The following RUFY1 variants were observed in gnomAD, a reference collection of about 807,000 sequenced individuals.
RUFY1 encodes the protein RUN and FYVE domain containing 1.
In RUFY1, 54 loss-of-function variants were observed where a neutral mutation model predicts 94.6. That is an observed-to-expected ratio of 0.57 (90% CI 0.46 to 0.72). RUFY1 has a LOEUF of 0.72. Ranked by LOEUF, RUFY1 falls within the 30% of genes least tolerant of loss-of-function variation. RUFY1 has a pLI of 0.00. For missense variants in RUFY1, 883 were observed against 883.9 expected (o/e 1.00, Z 0.01); for synonymous variants, 396 against 347.3 (o/e 1.14, Z -1.56).
chr5:179,598,671 A>G (rs1266773759), intron 13 of RUFY1, 21 bp from the exon 14 acceptor site: 2 of 1,614,022 alleles, frequency 1.2e-6, no homozygotes, highest in Non-Finnish European at 1.7e-6. Context: ...AGACTAACTC[A>G]AGTTCATTTT....
At chr5:179,564,819 AC>A (rs1415818792) in intron 3 of RUFY1, among the ~76,000 whole-genome samples, 1 of 152,124 alleles carries the variant, frequency 6.6e-6, no homozygotes, top group Admixed American at 6.6e-5. Flanking sequence ...GATTAGAACC[AC>A]CCTAGTTTTT....
At chr5:179,589,449 A>G (rs1197295655) in intron 8 of RUFY1, 97 bp from the exon 9 acceptor site, 3 of 764,768 alleles carry the variant, frequency 3.9e-6, no homozygotes, top group Admixed American at 2.2e-5. Flanking sequence ...ACCTGTGAAC[A>G]TACATTGTCA....
rs755966333 is a variant in RUFY1, at chr5:179,550,665, G to A, written c.96G>A (p.Pro32=). ...PGPGPGSALE[P]GEEFEIVDRS... ...CGGGGCCCGGGTCAGCGCTTGAGCC[G>A]GGAGAAGAGTTTGAGATCGTGGACC... The change falls in exon 1 of 18, where the codon CCG becomes CCA. Residue 32 remains proline (P), a synonymous_variant. Transcript: ENST00000319449. The A allele has an allele frequency of 2.4e-5, 36 of 1,487,540 alleles. No individual in the cohort carries two copies. The highest frequency in any genetic ancestry group is 3.1e-5 in the Non-Finnish European group (35 of 1,124,538). The allele number at this position is 1,487,540 out of a possible 1,614,324, so 92.1% of individuals were successfully genotyped here. A position where few individuals can be genotyped will look rare whatever the true frequency, so the allele number is the denominator to read the frequency against.
intron 6 of RUFY1, among the ~76,000 whole-genome samples, chr5:179,578,939 C>T (rs575413534): frequency 3.3e-5 from 5 of 152,148 alleles, no homozygotes; most frequent in East Asian, 1.9e-4. Flanking sequence ...CCACCGCTCC[C>T]GGCCCCATTT....
rs551605055 is a variant in RUFY1 at position 179,567,055 on chromosome 5, AAAAAAAT to A, written c.603-386_603-380del. Among the ~76,000 whole-genome samples the A allele has an allele frequency of 5.0e-3, 768 of 152,278 alleles. 5 individuals are homozygous for A. The highest frequency in any genetic ancestry group is 0.015 in the African/African-American group (609 of 41,546). On this transcript the variant is annotated intron_variant, in intron 3 of 17. Coordinates refer to ENST00000319449, the MANE Select transcript of RUFY1 (RefSeq NM_025158.5). ...GGCAACAGGCAAGACTCTATCTCAA[AAAAAAAT>A]AAAAAATAAAAAATAAAAAGTACGT... is the stretch of plus-strand genomic sequence containing the variant.
intron 15 of RUFY1, chr5:179,603,583 T>G (rs1766687933): frequency 6.6e-6 from 1 of 152,308 alleles, no homozygotes; most frequent in Non-Finnish European, 1.5e-5. Context: ...AGGCCAGCTG[T>G]GAGGGCATCC....
intron 3 of RUFY1, among the ~76,000 whole-genome samples, chr5:179,566,625 G>GAAAAA (rs59142888): frequency 1.7e-5 from 2 of 115,468 alleles, no homozygotes; most frequent in Non-Finnish European, 3.6e-5. Flanking sequence ...GCTCCATCTC[G>GAAAAA]AAAAAAAAAA....
chr5:179,596,834 C>A, intron 13 of RUFY1, 153 bp downstream of exon 13: 1 of 1,037,456 alleles, frequency 9.6e-7, no homozygotes. Flanking sequence ...CTGCAGGGTT[C>A]GTATGTTATC....
At position 179,550,737 on chromosome 5, in the gene RUFY1, GCGGGCGGC is replaced by G; in HGVS notation, c.171_178del (p.Ala58GlyfsTer46). The G allele has an allele frequency of 1.4e-6, 2 of 1,464,838 alleles. No individual in the cohort carries two copies. The highest frequency in any genetic ancestry group is 1.8e-6 in the Non-Finnish European group (2 of 1,110,732). The allele number at this position is 1,464,838 out of a possible 1,614,324, so 90.7% of individuals were successfully genotyped here. A position where few individuals can be genotyped will look rare whatever the true frequency, so the allele number is the denominator to read the frequency against. ...GCGACCTGCGGAGCGCAACGAGGCC[GCGGGCGGC>G]CGAGGGCTGGTCGGCGCCCATCCTG... On this transcript the variant is annotated frameshift_variant, in exon 1 of 18. Coordinates refer to ENST00000319449, the MANE Select transcript of RUFY1 (RefSeq NM_025158.5). LOFTEE classifies it high-confidence loss of function.
intron 7 of RUFY1, among the ~76,000 whole-genome samples, chr5:179,585,520 A>G (rs553403559): frequency 9.7e-4 from 147 of 152,238 alleles, no homozygotes; most frequent in Non-Finnish European, 1.8e-3. Flanking sequence ...CAGAGGTTGC[A>G]GTGAGCCAAG....
At chr5:179,587,990 G>A (rs1314264990) in intron 8 of RUFY1, among the ~76,000 whole-genome samples, 1 of 151,962 alleles carries the variant, frequency 6.6e-6, no homozygotes, top group Non-Finnish European at 1.5e-5. Flanking sequence ...GTAACACCCT[G>A]TCTCAATTAA....
At chr5:179,581,593 C>T (rs1018616116) in intron 7 of RUFY1, among the ~76,000 whole-genome samples, 4 of 151,982 alleles carry the variant, frequency 2.6e-5, no homozygotes, top group African/African-American at 4.8e-5. Context: ...TCCACAGTGG[C>T]CACCTCTCCG....
chr5:179,608,566 C>G (rs551589347), intron 17 of RUFY1: 1 of 985,486 alleles, frequency 1.0e-6, no homozygotes, highest in Non-Finnish European at 1.2e-6. Context: ...CCAGACTCTT[C>G]CTGTAACATG....
Position 179,577,099 on chromosome 5 carries a change from T to C in RUFY1, c.853T>C (p.Tyr285His), listed in dbSNP as rs546619896. 1 of 1,590,636 alleles carries C rather than the reference T, an allele frequency of 6.3e-7. No individual in the cohort carries two copies. The highest frequency in any genetic ancestry group is 1.7e-5 in the Admixed American group (1 of 59,378). The change falls in exon 6 of 18, where the codon TAC (tyrosine) becomes CAC (histidine). Residue 285 changes from tyrosine to histidine, a missense_variant. Tyr to His is a moderately conservative substitution (Grantham distance 83). Coordinates refer to ENST00000319449, the MANE Select transcript of RUFY1 (RefSeq NM_025158.5). ...SQVGVIDFSLYLKDVQDLDGG... is the reference protein window; with the variant it reads ...SQVGVIDFSLHLKDVQDLDGG... ...GGTTGGAGTAATAGATTTTTCCCTCTACCTTAAGGATGTGCAGGATCTTGA... is the reference window on the plus strand; with the variant it reads ...GGTTGGAGTAATAGATTTTTCCCTCCACCTTAAGGATGTGCAGGATCTTGA...
rs74936220 is a variant in RUFY1 at position 179,589,571 on chromosome 5, G to T, written c.1052G>T (p.Cys351Phe). The change falls in exon 9 of 18, where the codon TGC becomes TTC. Residue 351 changes from cysteine (C) to phenylalanine (F), a missense_variant. Cys to Phe is a radical substitution (Grantham distance 205). Coordinates refer to ENST00000319449, the MANE Select transcript of RUFY1 (RefSeq NM_025158.5). ...CTTTCAGCTGCAACAGACCGAATTT[G>T]CTCACTTCAAGAAGAACAGCAGCAG... Reference protein sequence around the residue: ...EELSAATDRICSLQEEQQQLR... With the variant: ...EELSAATDRIFSLQEEQQQLR... 995 of 1,614,054 alleles carry T rather than the reference G, an allele frequency of 6.2e-4. 5 individuals carry two copies. In the African/African-American group the frequency reaches 0.012, roughly 20 times the overall value.
chr5:179,560,105 G>C lies in RUFY1; in HGVS notation c.391G>C (p.Ala131Pro). 3 of 1,614,068 alleles carry C rather than the reference G, an allele frequency of 1.9e-6. No homozygotes were observed. Among genetic ancestry groups the C allele is most frequent in the Non-Finnish European group, 2.5e-6 (3 of 1,180,000 alleles). Reference sequence around the variant, plus strand: ...CAGCATCAAGGTGTTGCTCCAGTCGGCTCTGAGCCTGGGCCGCAGCCTGGA... The same window carrying C: ...CAGCATCAAGGTGTTGCTCCAGTCGCCTCTGAGCCTGGGCCGCAGCCTGGA... ...KLSIKVLLQS[A>P]LSLGRSLDAD... Residue 131 changes from alanine (A) to proline (P), a missense_variant, in exon 2 of 18, where the codon GCT becomes CCT. By Grantham distance (27) the Ala-to-Pro change is conservative (BLOSUM62 -1). Transcript: ENST00000319449.
At chr5:179,553,582 G>A (rs1011375925) in intron 1 of RUFY1, among the ~76,000 whole-genome samples, 7 of 151,880 alleles carry the variant, frequency 4.6e-5, no homozygotes, top group Non-Finnish European at 7.4e-5. Context: ...TCAGGAGTTC[G>A]AGACCAACCT....
chr5:179,594,075 G>A lies in RUFY1; in HGVS notation c.1413+430G>A, dbSNP rs976997124. Among the ~76,000 whole-genome samples, 6 of 151,346 alleles carry A rather than the reference G, an allele frequency of 4.0e-5. No homozygotes were observed. In the East Asian group the frequency reaches 7.9e-4, roughly 20 times the overall value. On this transcript the variant is annotated intron_variant, in intron 11 of 17. Coordinates refer to ENST00000319449, the MANE Select transcript of RUFY1 (RefSeq NM_025158.5). Reference sequence around the variant, plus strand: ...ATCCCAGCACTTTGGGAGGCCGAGCGGGCAGATCACGAGGTCAGGAGTTTG... The same window carrying A: ...ATCCCAGCACTTTGGGAGGCCGAGCAGGCAGATCACGAGGTCAGGAGTTTG...
intron 3 of RUFY1, among the ~76,000 whole-genome samples, chr5:179,567,049 T>C (rs928633607): frequency 6.6e-6 from 1 of 151,484 alleles, no homozygotes; most frequent in African/African-American, 2.4e-5. Context: ...CAAGACTCTA[T>C]CTCAAAAAAA....
Sources: gnomAD v4.1 joint callset for allele counts (sites outside exome capture counted in the v4.1 genomes callset) on GRCh38, gnomAD v4.1.1 for gene constraint, MANE v1.5 for transcripts, NCBI Gene and HGNC (gene_info 2026-07-23, HGNC 2026-07-21) for gene names.